DRC8: variants seen among roughly 807,000 people sequenced by gnomAD.
DRC8 encodes the protein dynein regulatory complex protein 8.
chr1:245,095,809 C>G, the DRC8 span, among the ~76,000 whole-genome samples: 1 of 152,156 alleles, frequency 6.6e-6, no homozygotes, highest in Non-Finnish European at 1.5e-5. Context: ...GAATACATTC[C>G]GAAAAGCAGA....
chr1:245,003,990 G>A, the DRC8 span, among the ~76,000 whole-genome samples: 6 of 110,814 alleles, frequency 5.4e-5, no homozygotes, highest in Admixed American at 6.1e-4. Context: ...GAGTAGCTGG[G>A]ACAATAGGCA....
the DRC8 span, chr1:245,002,303 C>T: frequency 7.7e-6 from 10 of 1,304,508 alleles, no homozygotes; most frequent in Admixed American, 2.0e-4. Flanking sequence ...TCCAGCCTTG[C>T]TTCCTTCCAG....
the DRC8 span, among the ~76,000 whole-genome samples, chr1:244,976,094 C>T: frequency 3.6e-3 from 542 of 151,880 alleles, 2 homozygotes; most frequent in Non-Finnish European, 6.3e-3. Flanking sequence ...CATGGTGAAA[C>T]GCTCTCTCTA....
chr1:245,121,740 G>A, the DRC8 span, among the ~76,000 whole-genome samples: 45 of 152,138 alleles, frequency 3.0e-4, no homozygotes, highest in South Asian at 4.6e-3. Context: ...AATATCTCCC[G>A]CAGTCCCAGT....
chr1:245,090,215 G>A, the DRC8 span, among the ~76,000 whole-genome samples: 1 of 152,198 alleles, frequency 6.6e-6, no homozygotes, highest in Non-Finnish European at 1.5e-5. Context: ...CAGGTAGGAG[G>A]AGTGGGTAAC....
chr1:245,024,397 TTGA>T, the DRC8 span, among the ~76,000 whole-genome samples: 1 of 152,192 alleles, frequency 6.6e-6, no homozygotes, highest in Non-Finnish European at 1.5e-5. Flanking sequence ...TGTTGCTATC[TTGA>T]TGATAGAGTC....
At chr1:245,043,094 A>G in the DRC8 span, among the ~76,000 whole-genome samples, 1 of 152,200 alleles carries the variant, frequency 6.6e-6, no homozygotes, top group Non-Finnish European at 1.5e-5. Flanking sequence ...TTTTGGAGTT[A>G]GTTTGTACTT....
the DRC8 span, among the ~76,000 whole-genome samples, chr1:244,986,060 A>T: frequency 6.6e-6 from 1 of 151,262 alleles, no homozygotes; most frequent in African/African-American, 2.4e-5. Flanking sequence ...GGTTCAAGTG[A>T]TTCTTATGCC....
At chr1:245,112,737 C>T in the DRC8 span, among the ~76,000 whole-genome samples, 2 of 151,636 alleles carry the variant, frequency 1.3e-5, no homozygotes, top group Non-Finnish European at 2.9e-5. Flanking sequence ...CAGTAACTCC[C>T]GTTCTTCCTT....
the DRC8 span, among the ~76,000 whole-genome samples, chr1:245,094,318 C>T: frequency 1.3e-4 from 20 of 152,220 alleles, 2 homozygotes; most frequent in African/African-American, 4.1e-4. Context: ...ATCTTCAATT[C>T]GAGGTTACTT....
chr1:245,030,910 C>G, the DRC8 span: 1 of 152,232 alleles, frequency 6.6e-6, no homozygotes, highest in Non-Finnish European at 1.5e-5. Context: ...ACTGCATCAG[C>G]CCCTCTCTTG....
the DRC8 span, among the ~76,000 whole-genome samples, chr1:245,009,551 T>C: frequency 2.0e-5 from 3 of 149,198 alleles, no homozygotes; most frequent in Non-Finnish European, 4.4e-5. Context: ...CACTGCAAGC[T>C]CTGTCTCCTG....
the DRC8 span, among the ~76,000 whole-genome samples, chr1:245,020,844 G>A: frequency 6.6e-6 from 1 of 150,922 alleles, no homozygotes; most frequent in Admixed American, 6.6e-5. Flanking sequence ...TGTCCAGGCT[G>A]GTCATGAACT....
At chr1:245,022,116 G>T in the DRC8 span, among the ~76,000 whole-genome samples, 1 of 151,160 alleles carries the variant, frequency 6.6e-6, no homozygotes, top group Admixed American at 6.6e-5. Context: ...ACTAATTAGG[G>T]ACATTCTGAT....
chr1:245,119,928 G>C, the DRC8 span, among the ~76,000 whole-genome samples: 4 of 139,278 alleles, frequency 2.9e-5, no homozygotes, highest in African/African-American at 5.5e-5. Context: ...GCGAGACCCC[G>C]TCTCAAAAAA....
At chr1:245,011,451 A>G in the DRC8 span, among the ~76,000 whole-genome samples, 10 of 152,376 alleles carry the variant, frequency 6.6e-5, no homozygotes, top group South Asian at 2.1e-3. Flanking sequence ...TACCTGTGTC[A>G]GCTGTTAGCA....
the DRC8 span, among the ~76,000 whole-genome samples, chr1:245,075,358 A>G: frequency 6.6e-6 from 1 of 152,356 alleles, no homozygotes; most frequent in Middle Eastern, 3.4e-3. Flanking sequence ...TGAGAAGCAC[A>G]GTATTTGCCA....
At chr1:245,017,435 C>G in the DRC8 span, 2 of 1,108,332 alleles carry the variant, frequency 1.8e-6, no homozygotes, top group Non-Finnish European at 2.5e-6. Flanking sequence ...TTATTATGCT[C>G]TTTTAAGTAT....
chr1:245,065,822 A>G, the DRC8 span, among the ~76,000 whole-genome samples: 2 of 151,524 alleles, frequency 1.3e-5, no homozygotes, highest in African/African-American at 4.9e-5. Context: ...TCTGCTTGGG[A>G]GGCAAAAGCG....
Sources: allele counts gnomAD v4.1 joint callset (sites outside exome capture counted in the v4.1 genomes callset), GRCh38; gene constraint gnomAD v4.1.1; transcripts MANE v1.5; gene names NCBI Gene and HGNC (gene_info 2026-07-23, HGNC 2026-07-21).